Variants in CSGALNACT1 observed in about 807,000 individuals in gnomAD.
CSGALNACT1 encodes the protein beta4GalNAcT-1.
Under a neutral mutation model 51.0 loss-of-function variants are expected in CSGALNACT1, and 52 were observed. The ratio of observed to expected loss-of-function variants is 1.02; its 90% CI spans 0.82 to 1.29. CSGALNACT1 has a LOEUF of 1.29. Among genes scored for constraint, CSGALNACT1 ranks in the 50% most tolerant of loss-of-function variants. CSGALNACT1 has a pLI of 0.00. For synonymous variants in CSGALNACT1, 341 were observed against 254.4 expected (o/e 1.34, Z -3.24); for missense variants, 935 against 679.2 (o/e 1.38, Z -4.19).
intron 8 of CSGALNACT1, among the ~76,000 whole-genome samples, chr8:19,418,449 C>A (rs1057499518): frequency 6.6e-6 from 1 of 152,216 alleles, no homozygotes; most frequent in Admixed American, 6.5e-5. Flanking sequence ...TAAAGTACTG[C>A]TTCCATTTAT....
intron 1 of CSGALNACT1, among the ~76,000 whole-genome samples, chr8:19,748,243 G>A (rs888746437): frequency 4.0e-4 from 61 of 152,126 alleles, no homozygotes; most frequent in African/African-American, 1.5e-3. Flanking sequence ...GGGGACATTA[G>A]GAATTCATCC....
At chr8:19,416,865 C>CTT (rs11374521) in intron 8 of CSGALNACT1, among the ~76,000 whole-genome samples, 1,905 of 149,172 alleles carry the variant, frequency 0.013, 85 homozygotes, top group Admixed American at 0.083. Flanking sequence ...TGAAAACTCA[C>CTT]TTTTTTTTTT....
At chr8:19,473,538 G>A (rs1467669466) in intron 4 of CSGALNACT1, among the ~76,000 whole-genome samples, 1 of 152,088 alleles carries the variant, frequency 6.6e-6, no homozygotes. Context: ...GCCTAACCCT[G>A]GCTTCACCAC....
Position 19,559,608 on chromosome 8 carries a change from G to A in CSGALNACT1, c.-297+31552C>T, listed in dbSNP as rs1043150697. 3.3e-5 allele frequency among the ~76,000 whole-genome samples: 5 copies of A among 152,282 alleles called. No individual in the cohort carries two copies. The South Asian group carries it at 1.0e-3, about 32-fold the overall frequency. ...TGTTAGAATAGTAGAGTTCAGCAATGTAGGGAAACCAATTAGCAATGTAGA... is the reference window on the plus strand; with the variant it reads ...TGTTAGAATAGTAGAGTTCAGCAATATAGGGAAACCAATTAGCAATGTAGA... On this transcript the variant is annotated intron_variant, in intron 3 of 9. Transcript: ENST00000454498.
intron 5 of CSGALNACT1, 37 bp downstream of exon 4, chr8:19,458,389 C>T (rs771499322): frequency 6.7e-7 from 1 of 1,493,902 alleles, no homozygotes; most frequent in South Asian, 1.1e-5. Context: ...TAACACACAT[C>T]ATGCGGAGGA....
intron 3 of CSGALNACT1, among the ~76,000 whole-genome samples, chr8:19,553,902 A>AACACACACACAC (rs34664028): frequency 0.02 from 3,003 of 147,504 alleles, 54 homozygotes; most frequent in African/African-American, 0.05. Context: ...GAACTCGTAG[A>AACACACACACAC]ACACACACAC....
At chr8:19,466,567 C>T (rs1433447386) in intron 4 of CSGALNACT1, among the ~76,000 whole-genome samples, 1 of 152,152 alleles carries the variant, frequency 6.6e-6, no homozygotes, top group Non-Finnish European at 1.5e-5. Flanking sequence ...GCTCAGATGG[C>T]ATATCGCATT....
rs1186216767 is a variant in CSGALNACT1 at position 19,408,468 on chromosome 8, C to CTTTTTT, written c.1309+139_1309+144dup. ...AGCCACCGCACCTAGTCTGGAATAG[C>CTTTTTT]TTTTTTTTTTTTTTTTTTTTTTTTT... On this transcript the variant is annotated intron_variant, in intron 9 of 9. Coordinates refer to ENST00000454498, the Ensembl canonical transcript of CSGALNACT1. The CTTTTTT allele has an allele frequency of 4.7e-5, 22 of 469,694 alleles. 2 individuals carry two copies. The African/African-American group carries it at 6.3e-4, about 14-fold the overall frequency. 29.1% of individuals were successfully genotyped at this position (469,694 alleles called of 1,614,324 possible). A position where few individuals can be genotyped will look rare whatever the true frequency, so the allele number is the denominator to read the frequency against.
intron 1 of CSGALNACT1, among the ~76,000 whole-genome samples, chr8:19,626,727 T>C (rs1343958023): frequency 3.9e-5 from 6 of 152,184 alleles, no homozygotes; most frequent in Admixed American, 2.0e-4. Flanking sequence ...CTAAACTAAA[T>C]AGTAAACAAT....
At chr8:19,565,943 G>T (rs1164212086) in intron 3 of CSGALNACT1, among the ~76,000 whole-genome samples, 1 of 152,134 alleles carries the variant, frequency 6.6e-6, no homozygotes, top group Non-Finnish European at 1.5e-5. Flanking sequence ...CTTCAAGGCT[G>T]ATCTAGTCTT....
intron 1 of CSGALNACT1, among the ~76,000 whole-genome samples, chr8:19,664,294 T>TA (rs1001944879): frequency 4.0e-4 from 61 of 152,300 alleles, no homozygotes; most frequent in African/African-American, 1.4e-3. Flanking sequence ...GAGATCACCT[T>TA]ACAGCAGTCA....
chr8:19,459,233 G>C (rs1392639667), intron 4 of CSGALNACT1, among the ~76,000 whole-genome samples: 1 of 151,810 alleles, frequency 6.6e-6, no homozygotes, highest in Non-Finnish European at 1.5e-5. Context: ...TAATACAAAA[G>C]TTAGTAGAGC....
intron 1 of CSGALNACT1, among the ~76,000 whole-genome samples, chr8:19,630,276 A>C (rs1564299778): frequency 6.6e-6 from 1 of 151,394 alleles, no homozygotes; most frequent in Non-Finnish European, 1.5e-5. Flanking sequence ...TTTTATTTGT[A>C]AAGACTGAAA....
chr8:19,608,017 G>C (rs988014652), intron 1 of CSGALNACT1, among the ~76,000 whole-genome samples: 1 of 152,208 alleles, frequency 6.6e-6, no homozygotes, highest in Admixed American at 6.5e-5. Flanking sequence ...TAGACTTCCA[G>C]AGTATAAAGA....
intron 1 of CSGALNACT1, among the ~76,000 whole-genome samples, chr8:19,646,178 C>A (rs1360193843): frequency 6.6e-6 from 1 of 151,930 alleles, no homozygotes; most frequent in Non-Finnish European, 1.5e-5. Flanking sequence ...AGTAGACTGA[C>A]AAGAGAAAAA....
At chr8:19,511,247 C>T (rs141271274) in intron 3 of CSGALNACT1, among the ~76,000 whole-genome samples, 1 of 152,268 alleles carries the variant, frequency 6.6e-6, no homozygotes, top group East Asian at 1.9e-4. Context: ...GCAGACACAG[C>T]CAAAAGGCTT....
chr8:19,411,787 T>C (rs533606162), intron 8 of CSGALNACT1, among the ~76,000 whole-genome samples: 178 of 151,578 alleles, frequency 1.2e-3, no homozygotes, highest in Middle Eastern at 3.5e-3. Context: ...AAACATCTAT[T>C]CCTCCTGTTC....
Position 19,597,285 on chromosome 8 carries a change from C to CTTTTTTTTTTTTTTT in CSGALNACT1, c.-416+4471_-416+4485dup, listed in dbSNP as rs35177349. Among the ~76,000 whole-genome samples, 31 of 64,564 alleles carry CTTTTTTTTTTTTTTT rather than the reference C, an allele frequency of 4.8e-4. 2 individuals are homozygous for CTTTTTTTTTTTTTTT. The highest frequency in any genetic ancestry group is 1.9e-3 in the African/African-American group (28 of 14,414). The allele number at this position is 64,564 out of a possible 152,430, so 42.4% of individuals were successfully genotyped here. A position where few individuals can be genotyped will look rare whatever the true frequency, so the allele number is the denominator to read the frequency against. ...GGTTGGGGCTGCCTCTATCTTCTTT[C>CTTTTTTTTTTTTTTT]TTTTTTTTTTTTTTTTTTTTTTTTT... On this transcript the variant is annotated intron_variant, in intron 2 of 9. Transcript: ENST00000454498.
At chr8:19,674,633 C>T (rs2060037988) in intron 1 of CSGALNACT1, among the ~76,000 whole-genome samples, 1 of 152,022 alleles carries the variant, frequency 6.6e-6, no homozygotes, top group South Asian at 2.1e-4. Flanking sequence ...GATAGGTAAG[C>T]AGTGATTGGT....
Sources: gnomAD v4.1 joint callset for allele counts (sites outside exome capture counted in the v4.1 genomes callset) on GRCh38, gnomAD v4.1.1 for gene constraint, MANE v1.5 for transcripts, NCBI Gene and HGNC (gene_info 2026-07-23, HGNC 2026-07-21) for gene names.